TTYH3: variants seen among roughly 807,000 people sequenced by gnomAD.
TTYH3 encodes protein tweety homolog 3.
In TTYH3, 23 loss-of-function variants were observed where a neutral mutation model predicts 68.2. The observed-to-expected ratio is 0.34, with a 90% CI of 0.24 to 0.48. The LOEUF (loss-of-function observed/expected upper bound fraction) is 0.48. Among genes scored for constraint, TTYH3 ranks in the 20% least tolerant of loss-of-function variants. The pLI is 0.99. For missense variants in TTYH3, 768 were observed against 727.7 expected (o/e 1.06, Z -0.64); for synonymous variants, 360 against 332.8 (o/e 1.08, Z -0.89).
chr7:2,656,234 C>G lies in TTYH3; in HGVS notation c.1113+50C>G, dbSNP rs752583685. 3.9e-6 allele frequency: 6 copies of G among 1,548,180 alleles called. No individual in the cohort carries two copies. In the South Asian group the frequency reaches 7.0e-5, roughly 18 times the overall value. ...GCCATGGCAGCTTGTAGGGTGGGAA[C>G]AGGGGAGCAGCTGTTCGGGAGGATG... On this transcript the variant is annotated intron_variant, in intron 10 of 13. Transcript: ENST00000258796.
intron 9 of TTYH3, among the ~76,000 whole-genome samples, chr7:2,653,363 T>C (rs1786245196): frequency 6.6e-6 from 1 of 152,178 alleles, no homozygotes; most frequent in Admixed American, 6.5e-5. Flanking sequence ...GTTTAAAAAA[T>C]AACTTTATTC....
intron 1 of TTYH3, among the ~76,000 whole-genome samples, chr7:2,640,304 G>A (rs1444569864): frequency 1.3e-5 from 2 of 152,250 alleles, no homozygotes; most frequent in Non-Finnish European, 2.9e-5. Flanking sequence ...TAGCCCACAG[G>A]TTGGTGGCAC....
intron 1 of TTYH3, among the ~76,000 whole-genome samples, chr7:2,642,537 CAAAAAAAA>C (rs34165282): frequency 1.7e-5 from 1 of 57,542 alleles, no homozygotes; most frequent in Non-Finnish European, 3.4e-5. Flanking sequence ...GACTCTGTCT[CAAAAAAAA>C]AAAAAAAAAA....
At chr7:2,646,795 G>A (rs996371375) in intron 1 of TTYH3, 58 bp from the exon 2 acceptor site, 3 of 1,527,236 alleles carry the variant, frequency 2.0e-6, no homozygotes, top group Non-Finnish European at 2.6e-6. Flanking sequence ...CTGGGGCGGG[G>A]CGTGGGACTC....
At chr7:2,646,676 G>C (rs1785991951) in intron 1 of TTYH3, among the ~76,000 whole-genome samples, 177 bp from the exon 2 acceptor site, 1 of 152,232 alleles carries the variant, frequency 6.6e-6, no homozygotes, top group African/African-American at 2.4e-5. Flanking sequence ...GACCCCAGGT[G>C]CATCACTGAG....
chr7:2,651,105 C>G (rs1465987529), intron 7 of TTYH3, among the ~76,000 whole-genome samples: 1 of 152,004 alleles, frequency 6.6e-6, no homozygotes, highest in Non-Finnish European at 1.5e-5. Flanking sequence ...GGCACAGAGG[C>G]AGGTGGACGT....
At chr7:2,638,101 GT>G (rs1322214442) in intron 1 of TTYH3, among the ~76,000 whole-genome samples, 1 of 152,166 alleles carries the variant, frequency 6.6e-6, no homozygotes, top group East Asian at 1.9e-4. Flanking sequence ...GCAGCCCTGT[GT>G]CTGGGGTTCG....
In TTYH3 at chr7:2,662,049, G is replaced by T; in HGVS notation, c.*310G>T. ...GTCGCCGCACCTACAAGCCCTGGCC[G>T]CACCCAACCTGTGTTGTTGCCGCCC... On this transcript the variant is annotated 3_prime_UTR_variant, in exon 14 of 14. Transcript: ENST00000258796. The T allele has an allele frequency of 1.8e-6, 1 of 542,898 alleles. No homozygotes were observed. Among genetic ancestry groups the T allele is most frequent in the Non-Finnish European group, 3.3e-6 (1 of 301,026 alleles). 33.6% of individuals were successfully genotyped at this position (542,898 alleles called of 1,614,324 possible).
chr7:2,658,146 A>G, intron 11 of TTYH3, 140 bp from the exon 12 acceptor site: 2 of 832,648 alleles, frequency 2.4e-6, no homozygotes, highest in East Asian at 2.8e-5. Context: ...ACCTGCCCAC[A>G]GTCCCACATG....
chr7:2,644,903 A>G (rs1785939946), intron 1 of TTYH3, among the ~76,000 whole-genome samples: 1 of 152,302 alleles, frequency 6.6e-6, no homozygotes, highest in Admixed American at 6.5e-5. Context: ...TCCAGCAGCA[A>G]TCCCATTGCC....
chr7:2,648,083 G>T, intron 5 of TTYH3, 29 bp downstream of exon 5: 1 of 1,593,682 alleles, frequency 6.3e-7, no homozygotes, highest in Non-Finnish European at 8.5e-7. Flanking sequence ...GCCCCCCGTG[G>T]GCCCAAAGCG....
rs560849415 is a variant in TTYH3 at position 2,654,849 on chromosome 7, A to G, written c.1021-1243A>G. Among the ~76,000 whole-genome samples, 6 of 152,184 alleles carry G rather than the reference A, an allele frequency of 3.9e-5. No homozygotes were observed. The East Asian group carries it at 9.7e-4, about 25-fold the overall frequency. The stretch of plus-strand genomic sequence containing the variant: ...GCCCAGGCTGGAGTGCAGTGGCGCA[A>G]TCTCGGCTCACCGCAACCTCTGCCT... On this transcript the variant is annotated intron_variant, in intron 9 of 13. Coordinates refer to ENST00000258796, the MANE Select transcript of TTYH3 (RefSeq NM_025250.3).
intron 7 of TTYH3, 107 bp downstream of exon 7, chr7:2,650,095 T>A: frequency 8.6e-7 from 1 of 1,156,674 alleles, no homozygotes; most frequent in Non-Finnish European, 1.2e-6. Context: ...GGGTCCATGG[T>A]CTCAGGGAGA....
At chr7:2,660,132 G>A (rs1192691851) in intron 13 of TTYH3, 1 of 1,219,176 alleles carries the variant, frequency 8.2e-7, no homozygotes, top group African/African-American at 1.6e-5. Context: ...CGTCGGCACT[G>A]AGCTGGGGCT....
chr7:2,652,379 G>T, intron 8 of TTYH3, 137 bp downstream of exon 8: 1 of 785,652 alleles, frequency 1.3e-6, no homozygotes, highest in Non-Finnish European at 2.1e-6. Context: ...CTGGACAAAG[G>T]CTGTGTGGAT....
chr7:2,659,901 C>T (rs1786443613), intron 13 of TTYH3: 2 of 1,293,542 alleles, frequency 1.5e-6, no homozygotes, highest in African/African-American at 1.5e-5. Flanking sequence ...CTCTCTCTCT[C>T]TCTCTCTCTT....
intron 10 of TTYH3, 37 bp from the exon 11 acceptor site, chr7:2,656,361 T>G: frequency 6.3e-7 from 1 of 1,596,122 alleles, no homozygotes; most frequent in Non-Finnish European, 8.5e-7. Flanking sequence ...CCACCCTCCC[T>G]GTCTCTGGAT....
chr7:2,637,289 G>C (rs1394217322), intron 1 of TTYH3, among the ~76,000 whole-genome samples: 2 of 152,192 alleles, frequency 1.3e-5, no homozygotes, highest in Non-Finnish European at 2.9e-5. Context: ...CAGGCTCTGG[G>C]GGAGCGGGGA....
chr7:2,652,339 C>T, intron 8 of TTYH3, 97 bp downstream of exon 8: 2 of 1,066,424 alleles, frequency 1.9e-6, no homozygotes, highest in Non-Finnish European at 2.8e-6. Context: ...GGCTCCTCAG[C>T]CTGCAGGACT....
Sources: allele counts gnomAD v4.1 joint callset (sites outside exome capture counted in the v4.1 genomes callset), GRCh38; gene constraint gnomAD v4.1.1; transcripts MANE v1.5; gene names NCBI Gene and HGNC (gene_info 2026-07-23, HGNC 2026-07-21).